The following TAF3 variants were observed in gnomAD, a reference collection of about 807,000 sequenced individuals.
TAF3 encodes the protein transcription initiation factor TFIID subunit 3.
TAF3 carries 7 observed loss-of-function variants against 80.6 expected under a neutral mutation model. That is an observed-to-expected ratio of 0.09 (90% CI 0.05 to 0.16). The LOEUF (loss-of-function observed/expected upper bound fraction) is 0.16, where lower values mean the gene tolerates loss of function less well. Among genes scored for constraint, TAF3 ranks in the 10% least tolerant of loss-of-function variants. The pLI is 1.00. For missense variants in TAF3, 921 were observed against 1,140.2 expected (o/e 0.81, Z 2.77); for synonymous variants, 444 against 446.1 (o/e 1.00, Z 0.06).
chr10:7,903,081 G>A (rs995248753), intron 2 of TAF3, among the ~76,000 whole-genome samples: 1 of 152,066 alleles, frequency 6.6e-6, no homozygotes, highest in Non-Finnish European at 1.5e-5. Flanking sequence ...AGTTATCCTG[G>A]CATGGTGACA....
At chr10:7,945,876 C>T (rs1474335556) in intron 2 of TAF3, among the ~76,000 whole-genome samples, 2 of 152,182 alleles carry the variant, frequency 1.3e-5, no homozygotes, top group Non-Finnish European at 2.9e-5. Flanking sequence ...TTTGTTGTTG[C>T]CTATCTGCCC....
chr10:7,898,521 G>A (rs976755851), intron 2 of TAF3, among the ~76,000 whole-genome samples: 1 of 143,832 alleles, frequency 7.0e-6, no homozygotes, highest in Admixed American at 7.5e-5. Context: ...GCTCCAGATT[G>A]GGCGACAGAA....
chr10:7,973,432 T>C (rs1831639771), intron 3 of TAF3, among the ~76,000 whole-genome samples: 1 of 152,156 alleles, frequency 6.6e-6, no homozygotes. Context: ...ATTGTTAGAG[T>C]TGAAGAATAT....
intron 4 of TAF3, among the ~76,000 whole-genome samples, chr10:7,981,002 CA>C (rs1831720652): frequency 6.6e-6 from 1 of 152,106 alleles, no homozygotes; most frequent in South Asian, 2.1e-4. Context: ...ATTTTAGGGA[CA>C]GGGGCTGTTT....
intron 2 of TAF3, among the ~76,000 whole-genome samples, chr10:7,877,141 C>G (rs1294019136): frequency 1.3e-5 from 2 of 151,744 alleles, no homozygotes; most frequent in Non-Finnish European, 1.5e-5. Context: ...TCTGTTACTT[C>G]CTTTTGGTAA....
intron 2 of TAF3, among the ~76,000 whole-genome samples, chr10:7,932,343 A>T (rs1186120790): frequency 1.3e-5 from 2 of 152,192 alleles, no homozygotes; most frequent in Admixed American, 1.3e-4. Flanking sequence ...ACAGTCCACC[A>T]CAGAGAGGGA....
At chr10:7,899,380 C>G in intron 2 of TAF3, among the ~76,000 whole-genome samples, 1 of 152,170 alleles carries the variant, frequency 6.6e-6, no homozygotes, top group Non-Finnish European at 1.5e-5. Flanking sequence ...TTCAGCAAGT[C>G]CCATGTCCAT....
chr10:7,877,713 C>T (rs1289013987), intron 2 of TAF3, among the ~76,000 whole-genome samples: 1 of 152,046 alleles, frequency 6.6e-6, no homozygotes, highest in Non-Finnish European at 1.5e-5. Flanking sequence ...AATAAGACAA[C>T]TGAGACCCAT....
rs779441787 is a variant in TAF3 at position 7,977,259 on chromosome 10, G to C, written c.2251G>C (p.Ala751Pro). Reference protein sequence around the residue: ...KHEKIKVEPVALAPSPVIPRL... With the variant: ...KHEKIKVEPVPLAPSPVIPRL... ...TCCACAGATAAAAGTGGAACCAGTCGCTCTGGCCCCGAGTCCAGTTATCCC... is the reference window on the plus strand; with the variant it reads ...TCCACAGATAAAAGTGGAACCAGTCCCTCTGGCCCCGAGTCCAGTTATCCC... The change falls in exon 4 of 7, where the codon GCT (alanine) becomes CCT (proline). Residue 751 changes from alanine to proline, a missense_variant. Ala to Pro is a conservative substitution (Grantham distance 27). Coordinates refer to ENST00000344293, the MANE Select transcript of TAF3 (RefSeq NM_031923.4). The C allele has an allele frequency of 6.2e-7, 1 of 1,614,116 alleles. No homozygotes were observed. Among genetic ancestry groups the C allele is most frequent in the Non-Finnish European group, 8.5e-7 (1 of 1,179,996 alleles).
At chr10:7,821,944 G>T (rs963728379) in intron 1 of TAF3, among the ~76,000 whole-genome samples, 2 of 152,170 alleles carry the variant, frequency 1.3e-5, no homozygotes, top group Non-Finnish European at 2.9e-5. Flanking sequence ...CATAATAAAA[G>T]TACCAGTAAG....
intron 4 of TAF3, among the ~76,000 whole-genome samples, chr10:8,004,173 C>T (rs1831971047): frequency 6.6e-6 from 1 of 152,052 alleles, no homozygotes; most frequent in Non-Finnish European, 1.5e-5. Flanking sequence ...GCCTCCTCCT[C>T]TGGAGTAGCT....
chr10:7,914,122 G>T (rs930652044), intron 2 of TAF3, among the ~76,000 whole-genome samples: 1 of 152,134 alleles, frequency 6.6e-6, no homozygotes, highest in African/African-American at 2.4e-5. Context: ...GAGGAAATTT[G>T]TATATAGACT....
chr10:7,958,295 A>T (rs1006474298), intron 2 of TAF3, among the ~76,000 whole-genome samples: 13 of 152,164 alleles, frequency 8.5e-5, no homozygotes, highest in Non-Finnish European at 2.9e-5. Context: ...CAGAAGCTAG[A>T]TCAACTGTAT....
intron 4 of TAF3, among the ~76,000 whole-genome samples, chr10:7,985,933 G>A (rs567742655): frequency 8.6e-5 from 13 of 151,608 alleles, no homozygotes; most frequent in Non-Finnish European, 1.6e-4. Flanking sequence ...ATGGGCACCC[G>A]CCCCCACACC....
At chr10:7,937,954 TG>T (rs1837937262) in intron 2 of TAF3, among the ~76,000 whole-genome samples, 1 of 152,136 alleles carries the variant, frequency 6.6e-6, no homozygotes, top group Non-Finnish European at 1.5e-5. Flanking sequence ...ACATCCTGCT[TG>T]GAAATGGGGT....
chr10:7,951,332 T>C (rs1440481958), intron 2 of TAF3, among the ~76,000 whole-genome samples: 1 of 152,242 alleles, frequency 6.6e-6, no homozygotes, highest in Non-Finnish European at 1.5e-5. Flanking sequence ...GCCATGCGGC[T>C]CTTCTGCTGG....
At chr10:7,859,042 C>T (rs764748826) in intron 2 of TAF3, among the ~76,000 whole-genome samples, 22 of 152,144 alleles carry the variant, frequency 1.4e-4, no homozygotes, top group Non-Finnish European at 2.6e-4. Context: ...GCGGGCAGAT[C>T]ACGAGGTCAG....
In TAF3 at chr10:7,965,086, A is replaced by G; in HGVS notation, c.1576A>G (p.Lys526Glu). 6.2e-7 allele frequency: 1 copy of G among 1,614,088 alleles called. No homozygotes were observed. The highest frequency in any genetic ancestry group is 8.5e-7 in the Non-Finnish European group (1 of 1,180,024). ...PSSVEVKKKL[K>E]KELKTKMKKK... ...CTCCGTGGAGGTAAAGAAGAAGTTG[A>G]AAAAGGAACTAAAGACTAAAATGAA... Residue 526 changes from lysine (K) to glutamate (E), a missense_variant, in exon 3 of 7, where the codon AAA becomes GAA. Around this residue, in one of 6 missense-constraint regions of TAF3, gnomAD observed 743 missense variants for 821.0 expected, o/e 0.90. Transcript: ENST00000344293.
intron 2 of TAF3, among the ~76,000 whole-genome samples, chr10:7,837,503 C>T (rs1055218483): frequency 1.3e-5 from 2 of 151,962 alleles, no homozygotes; most frequent in African/African-American, 2.4e-5. Context: ...ATTAGCTGGG[C>T]GTGGTGGTGC....
Sources: gnomAD v4.1 joint callset for allele counts (sites outside exome capture counted in the v4.1 genomes callset) on GRCh38, gnomAD v4.1.1 for gene constraint, gnomAD v4.1.1 regional missense constraint, MANE v1.5 for transcripts, NCBI Gene and HGNC (gene_info 2026-07-23, HGNC 2026-07-21) for gene names.